EPHB1: variants seen among roughly 807,000 people sequenced by gnomAD.
EPHB1 encodes the protein ephrin type-B receptor 1.
In EPHB1, 30 loss-of-function variants were observed where a neutral mutation model predicts 94.4. The ratio of observed to expected loss-of-function variants is 0.32; its 90% confidence interval spans 0.24 to 0.43. EPHB1 has a LOEUF of 0.43. Among genes scored for constraint, EPHB1 ranks in the 20% least tolerant of loss-of-function variants. EPHB1 has a pLI of 1.00. For missense variants in EPHB1, 1,055 were observed against 1,308.3 expected (o/e 0.81, Z 2.99); for synonymous variants, 522 against 489.1 (o/e 1.07, Z -0.89).
intron 1 of EPHB1, among the ~76,000 whole-genome samples, chr3:134,923,271 G>A (rs1345849864): frequency 1.3e-5 from 2 of 152,182 alleles, no homozygotes; most frequent in African/African-American, 4.8e-5. Flanking sequence ...TTCCCAGTTT[G>A]AGCCCCTGTT....
chr3:134,997,499 TTC>T (rs1350797881), intron 3 of EPHB1, among the ~76,000 whole-genome samples: 5 of 152,190 alleles, frequency 3.3e-5, no homozygotes, highest in Non-Finnish European at 2.9e-5. Flanking sequence ...TGGTTCTTCA[TTC>T]TCTCTGTTTT....
intron 1 of EPHB1, among the ~76,000 whole-genome samples, chr3:134,820,359 C>T (rs1174394205): frequency 6.6e-6 from 1 of 152,202 alleles, no homozygotes; most frequent in Non-Finnish European, 1.5e-5. Flanking sequence ...TGCTTCTCTG[C>T]CCCTAAGGGA....
At chr3:134,880,815 G>A (rs911655280) in intron 1 of EPHB1, among the ~76,000 whole-genome samples, 1 of 152,250 alleles carries the variant, frequency 6.6e-6, no homozygotes, top group Non-Finnish European at 1.5e-5. Flanking sequence ...AATCCCAAGT[G>A]TGTCTTCACA....
intron 1 of EPHB1, among the ~76,000 whole-genome samples, chr3:134,855,064 CAG>C (rs1303552942): frequency 6.6e-6 from 1 of 152,132 alleles, no homozygotes; most frequent in Non-Finnish European, 1.5e-5. Context: ...TCACAATAGT[CAG>C]AAATTTGACC....
intron 1 of EPHB1, among the ~76,000 whole-genome samples, chr3:134,892,373 C>T (rs2038002424): frequency 6.6e-6 from 1 of 152,236 alleles, no homozygotes; most frequent in African/African-American, 2.4e-5. Flanking sequence ...GGGCCTTCAC[C>T]TCCAAAAGGG....
chr3:134,819,143 G>A (rs964412058), intron 1 of EPHB1, among the ~76,000 whole-genome samples: 21 of 152,326 alleles, frequency 1.4e-4, no homozygotes, highest in African/African-American at 4.8e-4. Flanking sequence ...TGGGATTTTT[G>A]CTGTATGCAG....
chr3:135,240,605 GT>G (rs758042122), intron 12 of EPHB1, among the ~76,000 whole-genome samples: 1 of 152,196 alleles, frequency 6.6e-6, no homozygotes, highest in Non-Finnish European at 1.5e-5. Context: ...ATGCTACAGA[GT>G]TAGGGAAACC....
chr3:135,031,091 G>C (rs1035769667), intron 3 of EPHB1, among the ~76,000 whole-genome samples: 2 of 152,128 alleles, frequency 1.3e-5, no homozygotes, highest in Admixed American at 6.5e-5. Flanking sequence ...CTCGTGCACG[G>C]TGCGCGCACC....
chr3:134,928,240 C>T (rs906374945), intron 2 of EPHB1, among the ~76,000 whole-genome samples: 1 of 152,220 alleles, frequency 6.6e-6, no homozygotes, highest in African/African-American at 2.4e-5. Context: ...ATCTTCAGAT[C>T]TCTGCTCGTG....
chr3:135,207,958 A>G (rs1384787003), intron 12 of EPHB1, among the ~76,000 whole-genome samples: 4 of 152,052 alleles, frequency 2.6e-5, no homozygotes, highest in African/African-American at 9.7e-5. Flanking sequence ...AACTGCAGTC[A>G]CCTCCCAGAG....
intron 3 of EPHB1, among the ~76,000 whole-genome samples, chr3:135,074,769 C>T (rs552855825): frequency 6.6e-6 from 1 of 152,258 alleles, no homozygotes; most frequent in Admixed American, 6.5e-5. Context: ...ATTATGAAGG[C>T]TGTTTCCAAT....
At chr3:134,881,899 G>A (rs1385066971) in intron 1 of EPHB1, among the ~76,000 whole-genome samples, 1 of 152,160 alleles carries the variant, frequency 6.6e-6, no homozygotes, top group African/African-American at 2.4e-5. Context: ...CATCAAAGAT[G>A]ACTGAGCAAA....
At chr3:134,907,561 A>C (rs1032512991) in intron 1 of EPHB1, among the ~76,000 whole-genome samples, 1 of 152,294 alleles carries the variant, frequency 6.6e-6, no homozygotes, top group African/African-American at 2.4e-5. Flanking sequence ...GAGGGATGCA[A>C]GTGCTTTGCT....
intron 2 of EPHB1, among the ~76,000 whole-genome samples, chr3:134,945,437 T>C (rs1027341589): frequency 1.3e-5 from 2 of 152,176 alleles, no homozygotes; most frequent in African/African-American, 4.8e-5. Flanking sequence ...AAAGTTATGT[T>C]TTCTTTTTTT....
intron 3 of EPHB1, among the ~76,000 whole-genome samples, chr3:135,073,900 C>T (rs1282656466): frequency 6.6e-6 from 1 of 152,052 alleles, no homozygotes; most frequent in African/African-American, 2.4e-5. Context: ...TCTGCAATTT[C>T]TGTAAATGGG....
At chr3:134,875,384 A>C (rs1166686965) in intron 1 of EPHB1, among the ~76,000 whole-genome samples, 1 of 152,176 alleles carries the variant, frequency 6.6e-6, no homozygotes, top group East Asian at 1.9e-4. Context: ...CACTACCGGC[A>C]ATGGAGACGG....
At chr3:134,959,784 G>A (rs1451828678) in intron 3 of EPHB1, among the ~76,000 whole-genome samples, 2 of 152,108 alleles carry the variant, frequency 1.3e-5, no homozygotes, top group African/African-American at 4.8e-5. Flanking sequence ...AGGGAAGGAA[G>A]GGAGCTGTGG....
At chr3:135,184,613 A>G (rs1576453693) in intron 10 of EPHB1, among the ~76,000 whole-genome samples, 1 of 152,298 alleles carries the variant, frequency 6.6e-6, no homozygotes, top group South Asian at 2.1e-4. Flanking sequence ...GAGGGAGAAC[A>G]TGGCAGTTAA....
At chr3:135,192,951 G>C in intron 11 of EPHB1, 128 bp downstream of exon 11, 8 of 1,265,342 alleles carry the variant, frequency 6.3e-6, no homozygotes, top group Non-Finnish European at 8.7e-6. Context: ...CATTGGAGAT[G>C]TTAGCAGAGA....
Sources: allele counts gnomAD v4.1 joint callset (sites outside exome capture counted in the v4.1 genomes callset), GRCh38; gene constraint gnomAD v4.1.1; transcripts MANE v1.5; gene names NCBI Gene and HGNC (gene_info 2026-07-23, HGNC 2026-07-21).